KLF17: variants seen among roughly 807,000 people sequenced by gnomAD.
KLF17 encodes the protein KLF transcription factor 17, also known as Krueppel-like factor 17.
KLF17 carries 31 observed loss-of-function variants against 34.2 expected under a neutral mutation model. The ratio of observed to expected loss-of-function variants is 0.91; its 90% CI spans 0.68 to 1.22. The LOEUF is 1.22. Among genes scored for constraint, KLF17 ranks in the 50% most tolerant of loss-of-function variants. KLF17 has a pLI of 0.00. For synonymous variants in KLF17, 179 were observed against 186.7 expected, an observed-to-expected ratio of 0.96 and a Z score of 0.34; for missense variants, 478 against 505.2, an observed-to-expected ratio of 0.95 and a Z score of 0.52.
the KLF17 span, among the ~76,000 whole-genome samples, chr1:44,061,789 G>A: frequency 6.6e-6 from 1 of 152,080 alleles, no homozygotes; most frequent in East Asian, 1.9e-4. Context: ...GTGGTGGCAG[G>A]TGCCTGTAAT....
chr1:44,113,568 G>A, the KLF17 span, among the ~76,000 whole-genome samples: 1 of 152,114 alleles, frequency 6.6e-6, no homozygotes, highest in African/African-American at 2.4e-5. Context: ...AGTTGGGTGG[G>A]GGAAGCATTA....
chr1:44,129,946 T>G lies in KLF17; in HGVS notation c.675T>G (p.Ala225=), dbSNP rs2088085461. The change falls in exon 2 of 4, where the codon GCT becomes GCG. Residue 225 remains alanine, a synonymous_variant. Transcript: ENST00000372299. ...CCCATGACCTTGGGATGCCCCCAGC[T>G]GAGTCCCAGTCATTGCTGGTTTTAG... ...QDAHDLGMPP[A]ESQSLLVLGS... is the part of the protein sequence containing the mutation. The G allele has an allele frequency of 1.2e-6, 2 of 1,614,214 alleles. No individual in the cohort carries two copies. Among genetic ancestry groups the G allele is most frequent in the Non-Finnish European group, 1.7e-6 (2 of 1,180,034 alleles).
the KLF17 span, among the ~76,000 whole-genome samples, chr1:44,107,395 G>T: frequency 3.3e-4 from 50 of 152,266 alleles, no homozygotes; most frequent in African/African-American, 1.1e-3. Context: ...GTGAGCCACC[G>T]CGCCTGGCTG....
Position 44,129,903 on chromosome 1 carries a change from T to G in KLF17, c.632T>G (p.Met211Arg). ...GCAGTGCTCCCCTCCATGGCTCAGATGTTGCCCCCGCAAGATGCCCATGAC... is the reference window on the plus strand; with the variant it reads ...GCAGTGCTCCCCTCCATGGCTCAGAGGTTGCCCCCGCAAGATGCCCATGAC... Reference protein sequence around the residue: ...AQAVLPSMAQMLPPQDAHDLG... With the variant: ...AQAVLPSMAQRLPPQDAHDLG... Residue 211 changes from methionine to arginine, a missense_variant, in exon 2 of 4, where the codon ATG becomes AGG. Met to Arg is a moderately conservative substitution (Grantham distance 91, BLOSUM62 -1). Transcript: ENST00000372299. 6.2e-7 allele frequency: 1 copy of G among 1,614,170 alleles called. No homozygotes were observed. Among genetic ancestry groups the G allele is most frequent in the Non-Finnish European group, 8.5e-7 (1 of 1,180,034 alleles).
At chr1:44,093,156 C>A in the KLF17 span, among the ~76,000 whole-genome samples, 1 of 152,102 alleles carries the variant, frequency 6.6e-6, no homozygotes. Flanking sequence ...AAAATGAAAT[C>A]AAGAGAAAAG....
the KLF17 span, among the ~76,000 whole-genome samples, chr1:44,049,155 G>C: frequency 6.6e-6 from 1 of 152,154 alleles, no homozygotes; most frequent in Admixed American, 6.5e-5. Context: ...TCACAGTGTA[G>C]AGAGAGCATG....
chr1:44,097,279 A>G, the KLF17 span, among the ~76,000 whole-genome samples: 4 of 152,128 alleles, frequency 2.6e-5, no homozygotes, highest in African/African-American at 9.7e-5. Flanking sequence ...CTTGTAGTAT[A>G]GTTTGAAGTC....
chr1:44,067,800 C>T, the KLF17 span, among the ~76,000 whole-genome samples: 3 of 151,770 alleles, frequency 2.0e-5, 1 homozygote, highest in Non-Finnish European at 4.4e-5. Flanking sequence ...CAATGCCACC[C>T]TGACCTCATG....
the KLF17 span, among the ~76,000 whole-genome samples, chr1:44,060,262 G>A: frequency 2.6e-5 from 4 of 152,208 alleles, no homozygotes; most frequent in South Asian, 8.3e-4. Flanking sequence ...TTGAGGTCAG[G>A]AGTTAGAGAC....
At chr1:44,101,672 T>TAA in the KLF17 span, 1 of 152,234 alleles carries the variant, frequency 6.6e-6, no homozygotes, top group Non-Finnish European at 1.5e-5. Flanking sequence ...TTCTCCACTA[T>TAA]AAAGTTACTA....
the KLF17 span, among the ~76,000 whole-genome samples, chr1:44,093,832 T>C: frequency 1.3e-5 from 2 of 152,232 alleles, no homozygotes; most frequent in African/African-American, 4.8e-5. Context: ...AGATAAGATT[T>C]CTCTCTGCGT....
the KLF17 span, among the ~76,000 whole-genome samples, chr1:44,066,389 CTTTTT>C: frequency 2.1e-4 from 27 of 128,090 alleles, no homozygotes; most frequent in African/African-American, 7.4e-4. Flanking sequence ...TAATACTTTC[CTTTTT>C]TTTTTTTTTT....
chr1:44,056,235 G>A, the KLF17 span, among the ~76,000 whole-genome samples: 4 of 152,168 alleles, frequency 2.6e-5, no homozygotes, highest in Non-Finnish European at 4.4e-5. Context: ...TAGGGAAGAC[G>A]GACAGGAACA....
At chr1:44,084,554 C>A in the KLF17 span, among the ~76,000 whole-genome samples, 5 of 151,408 alleles carry the variant, frequency 3.3e-5, no homozygotes, top group African/African-American at 7.3e-5. Flanking sequence ...GTGGCTTGTA[C>A]CTGTGGTCTT....
intron 2 of KLF17, 102 bp from the exon 3 acceptor site, chr1:44,130,410 C>T (rs1444293396): frequency 1.3e-5 from 19 of 1,499,958 alleles, no homozygotes; most frequent in Admixed American, 6.9e-5. Flanking sequence ...GTTCCCTGGA[C>T]CTTCCCTTTT....
chr1:44,070,590 C>CTTTTTTTT, the KLF17 span, among the ~76,000 whole-genome samples: 2 of 78,684 alleles, frequency 2.5e-5, no homozygotes, highest in Non-Finnish European at 5.0e-5. Context: ...TTTCCCTTGT[C>CTTTTTTTT]TTTTTTTTTT....
At chr1:44,097,597 A>G in the KLF17 span, among the ~76,000 whole-genome samples, 1 of 140,366 alleles carries the variant, frequency 7.1e-6, no homozygotes, top group Admixed American at 7.3e-5. Flanking sequence ...TAATAAAAAA[A>G]GAATGAAATT....
At chr1:44,104,964 C>G in the KLF17 span, 1 of 156,372 alleles carries the variant, frequency 6.4e-6, no homozygotes, top group Non-Finnish European at 1.4e-5. Context: ...ATAAAATTAG[C>G]CAGGTATGGT....
In KLF17 at chr1:44,135,039, GAAAAATAATA is replaced by G. The variant is rs1366867038; in HGVS notation, c.*1817_*1826del. 2.0e-5 allele frequency: 3 copies of G among 151,918 alleles called. No homozygotes were observed. Among genetic ancestry groups the G allele is most frequent in the Admixed American group, 6.6e-5 (1 of 15,250 alleles). 9.4% of individuals were successfully genotyped at this position (151,918 alleles called of 1,614,324 possible). On this transcript the variant is annotated 3_prime_UTR_variant, in exon 4 of 4. Transcript: ENST00000372299. ...AGGAAGGTCAAAAAAAAGGAAAAAA[GAAAAATAATA>G]AAAAATAATAAAAATCCTTAGGATA... is the stretch of plus-strand genomic sequence containing the variant.
Sources: gnomAD v4.1 joint callset for allele counts (sites outside exome capture counted in the v4.1 genomes callset) on GRCh38, gnomAD v4.1.1 for gene constraint, MANE v1.5 for transcripts, NCBI Gene and HGNC (gene_info 2026-07-23, HGNC 2026-07-21) for gene names.